Variants in KIF1A observed in about 807,000 individuals in gnomAD.
KIF1A encodes kinesin family member 1A.
A neutral mutation model predicts 227.3 loss-of-function variants in KIF1A; 46 were observed. The ratio of observed to expected loss-of-function variants is 0.20; its 90% CI spans 0.16 to 0.26. The LOEUF (loss-of-function observed/expected upper bound fraction) is 0.26. KIF1A is among the 10% of genes least tolerant of loss of function. The pLI is 1.00. For synonymous variants in KIF1A, 1,022 were observed against 1,012.8 expected (o/e 1.01, Z -0.17); for missense variants, 1,683 against 2,485.9 (o/e 0.68, Z 6.87).
At chr2:240,722,986 G>A (rs1439666982) in intron 42 of KIF1A, among the ~76,000 whole-genome samples, 2 of 152,200 alleles carry the variant, frequency 1.3e-5, no homozygotes, top group Non-Finnish European at 2.9e-5. Context: ...AGAGGGCCGA[G>A]GGGTGGGCAG....
chr2:240,769,513 CCCCAT>C (rs2051651082), intron 16 of KIF1A, 109 bp downstream of exon 16: 3 of 854,874 alleles, frequency 3.5e-6, no homozygotes, highest in Admixed American at 4.9e-5. Context: ...GATGTGGCCA[CCCCAT>C]GGTGCAGGTG....
In KIF1A at chr2:240,714,389, C is replaced by G. The variant is rs900677749; in HGVS notation, c.*2975G>C. 6.6e-6 allele frequency: 1 copy of G among 152,480 alleles called. No individual in the cohort carries two copies. The highest frequency in any genetic ancestry group is 2.4e-5 in the African/African-American group (1 of 41,438). 9.4% of individuals were successfully genotyped at this position (152,480 alleles called of 1,614,324 possible). On this transcript the variant is annotated 3_prime_UTR_variant, in exon 49 of 49. Coordinates refer to ENST00000498729, the MANE Select transcript of KIF1A (RefSeq NM_001244008.2). ...GCTGGTCGGCCTGGAGCCCGGCATCCCCATCTATCTGGAGCCGCAGCGGAA... is the reference window on the plus strand; with the variant it reads ...GCTGGTCGGCCTGGAGCCCGGCATCGCCATCTATCTGGAGCCGCAGCGGAA...
At chr2:240,723,300 A>C in intron 42 of KIF1A, 113 bp downstream of exon 42, 6 of 1,051,886 alleles carry the variant, frequency 5.7e-6, no homozygotes, top group Non-Finnish European at 8.1e-6. Context: ...ACTCCCAAGC[A>C]GCTGTGCTGC....
In KIF1A at chr2:240,789,414, C is replaced by T. The variant is rs1303231956; in HGVS notation, c.107-102G>A. The T allele has an allele frequency of 4.1e-6, 4 of 985,004 alleles. No homozygotes were observed. Among genetic ancestry groups the T allele is most frequent in the South Asian group, 1.4e-5 (1 of 71,982 alleles). 61.0% of individuals were successfully genotyped at this position (985,004 alleles called of 1,614,324 possible). Reference sequence around the variant, plus strand: ...GGAGATGGTCTTAAGAGGCCTCGGGCCCCAGACAAGCCAGGCCCCCAAATT... The same window carrying T: ...GGAGATGGTCTTAAGAGGCCTCGGGTCCCAGACAAGCCAGGCCCCCAAATT... On this transcript the variant is annotated intron_variant, in intron 2 of 48. Coordinates refer to ENST00000498729, the MANE Select transcript of KIF1A (RefSeq NM_001244008.2). This position sits in a 1 kb window ranked among gnomAD's most constrained non-coding sequence, Gnocchi z 4.8.
intron 1 of KIF1A, among the ~76,000 whole-genome samples, chr2:240,799,469 G>T (rs1463808860): frequency 6.6e-6 from 1 of 152,190 alleles, no homozygotes; most frequent in African/African-American, 2.4e-5. Context: ...TCCTGATGTG[G>T]CTGGACTCGT....
intron 1 of KIF1A, among the ~76,000 whole-genome samples, chr2:240,798,915 T>G (rs1179382864): frequency 1.3e-5 from 2 of 152,228 alleles, no homozygotes; most frequent in Non-Finnish European, 2.9e-5. Flanking sequence ...GAGTCCCACA[T>G]CACCAGAGGC....
chr2:240,753,542 A>T (rs4676372), intron 27 of KIF1A, among the ~76,000 whole-genome samples: 5 of 152,028 alleles, frequency 3.3e-5, no homozygotes, highest in African/African-American at 4.8e-5. Context: ...CCCCAGGCTC[A>T]GATCATCCCA....
intron 37 of KIF1A, 24 bp from the exon 38 acceptor site, chr2:240,737,192 A>G (rs1287040845): frequency 1.2e-6 from 2 of 1,600,578 alleles, no homozygotes; most frequent in African/African-American, 2.7e-5. Context: ...AACGGGCCAC[A>G]GGTCACTTCC....
In KIF1A at chr2:240,757,268, T is replaced by C. The variant is rs2049957318; in HGVS notation, c.2858+51A>G. The C allele has an allele frequency of 2.7e-6, 4 of 1,508,222 alleles. No homozygotes were observed. In the South Asian group the frequency reaches 3.7e-5, roughly 14 times the overall value. 93.4% of individuals were successfully genotyped at this position (1,508,222 alleles called of 1,614,324 possible). A position where few individuals can be genotyped will look rare whatever the true frequency, so the allele number is the denominator to read the frequency against. On this transcript the variant is annotated intron_variant, in intron 27 of 48. Transcript: ENST00000498729. This position sits in a 1 kb window ranked among gnomAD's most constrained non-coding sequence, Gnocchi z 6.2. ...TCCTCTGTGCCCGCAGCAGTGCTCC[T>C]GTGCAAAAGAGCTGGGTCCTCCCCA...
intron 31 of KIF1A, 34 bp from the exon 32 acceptor site, chr2:240,745,551 G>A (rs1425429338): frequency 6.4e-7 from 1 of 1,565,906 alleles, no homozygotes; most frequent in Non-Finnish European, 8.7e-7. Flanking sequence ...GGTGTGGGGT[G>A]GGGGACTTGG....
At chr2:240,750,389 G>A (rs765840083) in intron 28 of KIF1A, 40 bp downstream of exon 28, 16 of 1,494,078 alleles carry the variant, frequency 1.1e-5, no homozygotes, top group Non-Finnish European at 1.4e-5. Flanking sequence ...GCCAGCCCCA[G>A]GGGCTCCAAT....
intron 38 of KIF1A, among the ~76,000 whole-genome samples, chr2:240,733,725 A>G (rs2047012459): frequency 6.6e-6 from 1 of 152,234 alleles, no homozygotes; most frequent in Non-Finnish European, 1.5e-5. Flanking sequence ...GCTCTGTGCC[A>G]GGAGCGGCCT....
intron 46 of KIF1A, 77 bp downstream of exon 46, chr2:240,719,697 A>G: frequency 7.1e-7 from 1 of 1,399,104 alleles, no homozygotes; most frequent in Non-Finnish European, 9.4e-7. Flanking sequence ...TGCCCCCAGT[A>G]TGGGGAGCAG....
intron 38 of KIF1A, 27 bp downstream of exon 38, chr2:240,737,036 C>G: frequency 6.4e-7 from 1 of 1,561,776 alleles, no homozygotes; most frequent in Non-Finnish European, 8.8e-7. Context: ...TGCCCTGGGC[C>G]CTGTCTCCAG....
chr2:240,802,213 A>G (rs1431558239), intron 1 of KIF1A, among the ~76,000 whole-genome samples: 1 of 152,236 alleles, frequency 6.6e-6, no homozygotes, highest in Non-Finnish European at 1.5e-5. Flanking sequence ...CAACATGATC[A>G]TGAAAGAGGT....
chr2:240,772,753 G>A (rs914882461), intron 13 of KIF1A, among the ~76,000 whole-genome samples, 157 bp from the exon 14 acceptor site: 3 of 152,172 alleles, frequency 2.0e-5, no homozygotes, highest in African/African-American at 4.8e-5. Flanking sequence ...TCCAGAACGC[G>A]GGGGACCTCG....
In KIF1A at chr2:240,736,327, T is replaced by C. The variant is rs1394040672; in HGVS notation, c.4007+736A>G. On this transcript the variant is annotated intron_variant, in intron 38 of 48. Transcript: ENST00000498729. This position sits in a 1 kb window ranked among gnomAD's most constrained non-coding sequence, Gnocchi z 4.7. Reference sequence around the variant, plus strand: ...CCAGGGAGCAGCCAGGACTGGACACTGGAGCCCCCGCCTCACTTTCCCCAA... The same window carrying C: ...CCAGGGAGCAGCCAGGACTGGACACCGGAGCCCCCGCCTCACTTTCCCCAA... 6.6e-6 allele frequency among the ~76,000 whole-genome samples: 1 copy of C among 151,994 alleles called. No homozygotes were observed. Among genetic ancestry groups the C allele is most frequent in the African/African-American group, 2.4e-5 (1 of 41,384 alleles).
chr2:240,767,388 G>A (rs1227743442), intron 17 of KIF1A, 43 bp from the exon 18 acceptor site: 1 of 1,521,660 alleles, frequency 6.6e-7, no homozygotes. Flanking sequence ...AGAGGGGCAG[G>A]AGCCTGATGC....
At chr2:240,767,858 A>G (rs2051406874) in intron 17 of KIF1A, among the ~76,000 whole-genome samples, 2 of 152,264 alleles carry the variant, frequency 1.3e-5, no homozygotes, top group Admixed American at 1.3e-4. Context: ...GACACTGACC[A>G]TGGAGGGCTC....
Sources: allele counts gnomAD v4.1 joint callset (sites outside exome capture counted in the v4.1 genomes callset), GRCh38; gene constraint gnomAD v4.1.1; non-coding constraint Gnocchi (gnomAD v3.1); transcripts MANE v1.5; gene names NCBI Gene and HGNC (gene_info 2026-07-23, HGNC 2026-07-21).